The following STOX2 variants were observed in gnomAD, a reference collection of about 807,000 sequenced individuals.
STOX2 encodes storkhead-box protein 2.
Under a neutral mutation model 60.9 loss-of-function variants are expected in STOX2, and 28 were observed. That is an observed-to-expected ratio of 0.46 (90% CI 0.34 to 0.63). STOX2 has a LOEUF of 0.63. STOX2 is among the 30% of genes least tolerant of loss of function. The pLI, the probability that STOX2 is intolerant of heterozygous loss-of-function variation, is 0.01. For missense variants in STOX2, 1,024 were observed against 1,187.7 expected (o/e 0.86, Z 2.03); for synonymous variants, 472 against 463.9 (o/e 1.02, Z -0.22).
chr4:184,007,035 A>AC (rs1560937388), intron 2 of STOX2, among the ~76,000 whole-genome samples: 1 of 125,378 alleles, frequency 8.0e-6, no homozygotes, highest in Non-Finnish European at 1.6e-5. Context: ...AAAAAAAACA[A>AC]AACAAAAAAA....
chr4:183,866,399 A>G (rs1246866897), intron 1 of STOX2, among the ~76,000 whole-genome samples: 1 of 152,194 alleles, frequency 6.6e-6, no homozygotes, highest in African/African-American at 2.4e-5. Context: ...CTGTTCTGGC[A>G]TCTTAAGATC....
chr4:183,822,049 C>A (rs147132987), intron 1 of STOX2, among the ~76,000 whole-genome samples: 1 of 152,332 alleles, frequency 6.6e-6, no homozygotes, highest in Non-Finnish European at 1.5e-5. Flanking sequence ...GGGCAGGGTG[C>A]TCTGCAAACT....
intron 1 of STOX2, among the ~76,000 whole-genome samples, chr4:183,804,277 C>G (rs550513623): frequency 1.4e-4 from 22 of 152,312 alleles, no homozygotes; most frequent in African/African-American, 5.1e-4. Flanking sequence ...AACCCAGGCC[C>G]TGGGATGCTA....
chr4:183,818,890 G>A (rs538529045), intron 1 of STOX2, among the ~76,000 whole-genome samples: 10 of 151,676 alleles, frequency 6.6e-5, no homozygotes, highest in South Asian at 6.2e-4. Flanking sequence ...GCAGAGGCGC[G>A]CGTCACTTCC....
intron 1 of STOX2, among the ~76,000 whole-genome samples, chr4:183,879,394 C>T (rs1206751133): frequency 1.3e-5 from 2 of 152,246 alleles, no homozygotes; most frequent in East Asian, 1.9e-4. Context: ...ATGCTGGCCT[C>T]ACTCTGGAGG....
chr4:184,001,379 T>C lies in STOX2; in HGVS notation c.221T>C (p.Leu74Pro), dbSNP rs1468344105. ...ATCAGTCAGTCTCAGTTTATTCCAC[T>C]CGGGGAGATCCTCTGCTTGGCCATC... ...SPISQSQFIP[L>P]GEILCLAISA... Residue 74 changes from leucine (L) to proline (P), a missense_variant, in exon 2 of 4, where the codon CTC (leucine) becomes CCC (proline). Physicochemically the swap from Leu to Pro is moderately conservative, Grantham distance 98. This residue lies in a region of STOX2 where 98 missense variants were observed against 110.2 expected (regional missense o/e 0.89). Coordinates refer to ENST00000308497, the MANE Select transcript of STOX2 (RefSeq NM_020225.3). The surrounding 1 kb of genome is among the most constrained non-coding windows in gnomAD (Gnocchi z 4.2). 1 of 1,613,772 alleles carries C rather than the reference T, an allele frequency of 6.2e-7. No individual in the cohort carries two copies. Among genetic ancestry groups the C allele is most frequent in the Admixed American group, 1.7e-5 (1 of 59,990 alleles).
Position 183,945,792 on chromosome 4 carries a change from G to A in STOX2, c.166+38836G>A, listed in dbSNP as rs139591582. ...GGAAATGCTCTCTTGTCCTCAGTCG[G>A]TGTGTTCTTTTACCTTCAGTTTGTT... On this transcript the variant is annotated intron_variant, in intron 1 of 3. Transcript: ENST00000308497. 2.0e-4 allele frequency among the ~76,000 whole-genome samples: 31 copies of A among 152,294 alleles called. 1 individual carries two copies. The East Asian group carries it at 4.2e-3, about 21-fold the overall frequency.
In STOX2 at chr4:184,011,629, T is replaced by C. The variant is rs1288628793; in HGVS notation, c.2585+206T>C. 1.3e-6 allele frequency: 2 copies of C among 1,514,552 alleles called. No individual in the cohort carries two copies. Among genetic ancestry groups the C allele is most frequent in the Middle Eastern group, 1.7e-4 (1 of 5,900 alleles). 93.8% of individuals were successfully genotyped at this position (1,514,552 alleles called of 1,614,324 possible). A position where few individuals can be genotyped will look rare whatever the true frequency, so the allele number is the denominator to read the frequency against. On this transcript the variant is annotated intron_variant, in intron 3 of 3. Coordinates refer to ENST00000308497, the MANE Select transcript of STOX2 (RefSeq NM_020225.3). This position sits in a 1 kb window ranked among gnomAD's most constrained non-coding sequence, Gnocchi z 4.4. ...TCTGCACCTGTAGAGATCACCAATC[T>C]GGACTGGTGGGTTGGCTCCTCCCCT...
intron 1 of STOX2, among the ~76,000 whole-genome samples, chr4:183,986,275 G>T (rs1477359585): frequency 3.3e-5 from 5 of 152,240 alleles, no homozygotes; most frequent in Non-Finnish European, 5.9e-5. Context: ...AAGCATACAA[G>T]GTAAAATTGA....
intron 1 of STOX2, among the ~76,000 whole-genome samples, chr4:183,974,178 G>GTA (rs1046755206): frequency 2.0e-5 from 3 of 152,140 alleles, no homozygotes; most frequent in African/African-American, 7.2e-5. Flanking sequence ...GAAAAGTTAA[G>GTA]TATATATATT....
chr4:183,947,935 G>C (rs1742943570), intron 1 of STOX2, among the ~76,000 whole-genome samples: 1 of 152,136 alleles, frequency 6.6e-6, no homozygotes. Context: ...AGTAAGTAGA[G>C]GCTGGGTGCA....
intron 1 of STOX2, among the ~76,000 whole-genome samples, chr4:183,943,745 C>T (rs1010617925): frequency 3.3e-5 from 5 of 152,180 alleles, no homozygotes; most frequent in African/African-American, 9.7e-5. Flanking sequence ...GGCGTGGTGG[C>T]GTGCGCCTGT....
At chr4:183,847,525 G>A (rs1417369168) in intron 1 of STOX2, among the ~76,000 whole-genome samples, 1 of 152,128 alleles carries the variant, frequency 6.6e-6, no homozygotes, top group African/African-American at 2.4e-5. Context: ...GTCCTTCAGA[G>A]CCACCAGACA....
At chr4:183,850,391 A>G (rs1377710446) in intron 1 of STOX2, among the ~76,000 whole-genome samples, 1 of 152,064 alleles carries the variant, frequency 6.6e-6, no homozygotes, top group Non-Finnish European at 1.5e-5. Context: ...ATTCTTTATG[A>G]TTTTCATTTA....
At chr4:183,884,493 T>A (rs1741035664) in intron 1 of STOX2, among the ~76,000 whole-genome samples, 1 of 152,068 alleles carries the variant, frequency 6.6e-6, no homozygotes, top group Non-Finnish European at 1.5e-5. Flanking sequence ...GAAGAACAAA[T>A]AAAATAATTT....
chr4:183,927,575 T>C (rs1196586968), intron 1 of STOX2, among the ~76,000 whole-genome samples: 1 of 152,086 alleles, frequency 6.6e-6, no homozygotes, highest in Non-Finnish European at 1.5e-5. Flanking sequence ...CTATAGGAGC[T>C]GTTTTAAATA....
chr4:183,834,609 C>G (rs191934852), intron 1 of STOX2, among the ~76,000 whole-genome samples: 7 of 152,086 alleles, frequency 4.6e-5, no homozygotes, highest in Admixed American at 1.3e-4. Context: ...CTATATATTC[C>G]CCAGTTGTCG....
chr4:183,869,082 A>G (rs1317377574), intron 1 of STOX2, among the ~76,000 whole-genome samples: 1 of 152,224 alleles, frequency 6.6e-6, no homozygotes, highest in East Asian at 1.9e-4. Context: ...AACACTGATT[A>G]TGTATTTATT....
At chr4:183,930,246 G>C (rs1433733017) in intron 1 of STOX2, among the ~76,000 whole-genome samples, 1 of 151,064 alleles carries the variant, frequency 6.6e-6, no homozygotes, top group Non-Finnish European at 1.5e-5. Context: ...GCTCACTGCA[G>C]CCACAAACTC....
Sources: gnomAD v4.1 joint callset for allele counts (sites outside exome capture counted in the v4.1 genomes callset) on GRCh38, gnomAD v4.1.1 for gene constraint, gnomAD v4.1.1 regional missense constraint, Gnocchi (gnomAD v3.1) non-coding constraint, MANE v1.5 for transcripts, NCBI Gene and HGNC (gene_info 2026-07-23, HGNC 2026-07-21) for gene names.